The following EIF2AK3 variants were observed in gnomAD, a reference collection of about 807,000 sequenced individuals.
EIF2AK3 encodes eukaryotic translation initiation factor 2-alpha kinase 3.
Under a neutral mutation model 113.5 loss-of-function variants are expected in EIF2AK3, and 50 were observed. The ratio of observed to expected loss-of-function variants is 0.44; its 90% CI spans 0.35 to 0.56. The LOEUF (loss-of-function observed/expected upper bound fraction) is 0.56. Ranked by LOEUF, EIF2AK3 falls within the 20% of genes least tolerant of loss-of-function variation. The pLI is 0.00. For missense variants in EIF2AK3, 1,185 were observed against 1,378.0 expected (o/e 0.86, Z 2.22); for synonymous variants, 448 against 495.4 (o/e 0.90, Z 1.27).
chr2:88,603,862 G>T (rs1675208173), intron 2 of EIF2AK3, among the ~76,000 whole-genome samples: 1 of 152,112 alleles, frequency 6.6e-6, no homozygotes, highest in African/African-American at 2.4e-5. Flanking sequence ...TAGCATCTCT[G>T]CTTGGAGAGC....
chr2:88,588,633 T>C (rs570398480), intron 7 of EIF2AK3, 128 bp downstream of exon 7: 2 of 948,546 alleles, frequency 2.1e-6, no homozygotes, highest in East Asian at 2.6e-5. Flanking sequence ...AATACCATCA[T>C]GGTTTATCAA....
chr2:88,559,379 G>A (rs565503404), intron 15 of EIF2AK3, among the ~76,000 whole-genome samples: 1 of 152,042 alleles, frequency 6.6e-6, no homozygotes, highest in Non-Finnish European at 1.5e-5. Flanking sequence ...ATTTACAGAA[G>A]ATTTAAAATA....
chr2:88,593,447 A>G, intron 3 of EIF2AK3, 42 bp from the exon 4 acceptor site: 2 of 1,607,110 alleles, frequency 1.2e-6, no homozygotes, highest in Non-Finnish European at 1.7e-6. Context: ...AAAAGGAGAC[A>G]ACTCATAATA....
chr2:88,586,130 A>C, intron 8 of EIF2AK3, 69 bp from the exon 9 acceptor site: 1 of 1,250,966 alleles, frequency 8.0e-7, no homozygotes. Flanking sequence ...TAACTATTAA[A>C]ATTTATCCAT....
chr2:88,571,217 A>G (rs1373016681), intron 13 of EIF2AK3, among the ~76,000 whole-genome samples, 176 bp from the exon 14 acceptor site: 1 of 152,232 alleles, frequency 6.6e-6, no homozygotes, highest in Non-Finnish European at 1.5e-5. Context: ...CCAGACAAGT[A>G]CTGCTAGTAA....
intron 2 of EIF2AK3, among the ~76,000 whole-genome samples, chr2:88,603,775 A>C (rs1369529355): frequency 6.6e-6 from 1 of 152,172 alleles, no homozygotes; most frequent in Non-Finnish European, 1.5e-5. Context: ...TTCCCATGAC[A>C]CAAGCAATTC....
chr2:88,623,853 T>TAGG (rs1675793834), intron 1 of EIF2AK3, among the ~76,000 whole-genome samples: 1 of 152,170 alleles, frequency 6.6e-6, no homozygotes, highest in Non-Finnish European at 1.5e-5. Context: ...TCCTAGGCAA[T>TAGG]TCTGTTTGGT....
At chr2:88,626,829 C>T (rs1330613827) in intron 1 of EIF2AK3, 138 bp downstream of exon 1, 8 of 1,213,090 alleles carry the variant, frequency 6.6e-6, no homozygotes, top group African/African-American at 1.6e-5. Flanking sequence ...GCCCCGCGCT[C>T]GTCCCCAGGT....
rs1267474130 is a variant in EIF2AK3 at position 88,613,939 on chromosome 2, A to C, written c.309-86T>G. 5.6e-6 allele frequency: 7 copies of C among 1,248,848 alleles called. No homozygotes were observed. The East Asian group carries it at 1.8e-4, about 32-fold the overall frequency. The allele number at this position is 1,248,848 out of a possible 1,614,324, so 77.4% of individuals were successfully genotyped here. A position where few individuals can be genotyped will look rare whatever the true frequency, so the allele number is the denominator to read the frequency against. Reference sequence around the variant, plus strand: ...CACATGCTCAAAAGAAAACCAGCCCATGTCCAGGCCTCTATTCGTAGAAAG... The same window carrying C: ...CACATGCTCAAAAGAAAACCAGCCCCTGTCCAGGCCTCTATTCGTAGAAAG... On this transcript the variant is annotated intron_variant, in intron 1 of 16. Transcript: ENST00000303236.
intron 14 of EIF2AK3, among the ~76,000 whole-genome samples, chr2:88,566,007 T>C (rs1290695451): frequency 6.6e-6 from 1 of 152,224 alleles, no homozygotes; most frequent in Non-Finnish European, 1.5e-5. Flanking sequence ...TCTGTATCTC[T>C]TCTAATTTCT....
At chr2:88,625,926 A>C (rs1675846336) in intron 1 of EIF2AK3, among the ~76,000 whole-genome samples, 1 of 152,204 alleles carries the variant, frequency 6.6e-6, no homozygotes, top group Non-Finnish European at 1.5e-5. Flanking sequence ...CTCCAGATAT[A>C]TAGATCAAAG....
At chr2:88,558,100 C>T (rs1221655343) in intron 16 of EIF2AK3, among the ~76,000 whole-genome samples, 164 bp from the exon 17 acceptor site, 3 of 152,116 alleles carry the variant, frequency 2.0e-5, no homozygotes. Flanking sequence ...CGTCAATGCA[C>T]AAAAGCATCC....
intron 1 of EIF2AK3, among the ~76,000 whole-genome samples, chr2:88,624,399 G>A (rs1462275519): frequency 6.6e-6 from 1 of 152,166 alleles, no homozygotes; most frequent in African/African-American, 2.4e-5. Flanking sequence ...AGGAGGGATT[G>A]GGGCAGAAGG....
Position 88,627,185 on chromosome 2 carries a change from C to T in EIF2AK3, c.90G>A (p.Ala30=). 1 of 1,447,422 alleles carries T rather than the reference C, an allele frequency of 6.9e-7. No homozygotes were observed. The highest frequency in any genetic ancestry group is 9.0e-7 in the Non-Finnish European group (1 of 1,105,224). The allele number at this position is 1,447,422 out of a possible 1,614,324, so 89.7% of individuals were successfully genotyped here. The change falls in exon 1 of 17, where the codon GCG becomes GCA. Residue 30 remains alanine (A), a synonymous_variant. Transcript: ENST00000303236. ...GCGCTGGGAGGCCACGGGCGCGCCC[C>T]GCGGCCACCGTCCTTGCCGCGAGCC... ...LLGLAARTVA[A]GRARGLPAPT...
intron 13 of EIF2AK3, among the ~76,000 whole-genome samples, chr2:88,573,680 T>G (rs1674377197): frequency 6.6e-6 from 1 of 152,210 alleles, no homozygotes; most frequent in Admixed American, 6.5e-5. Flanking sequence ...TAAGAATTAT[T>G]TCTAATTCCT....
chr2:88,587,983 A>G lies in EIF2AK3; in HGVS notation c.1428T>C (p.Tyr476=), dbSNP rs778598419. The change falls in exon 8 of 17, where the codon TAT becomes TAC. Residue 476 remains tyrosine (Y), a splice_region_variant and synonymous_variant. Coordinates refer to ENST00000303236, the MANE Select transcript of EIF2AK3 (RefSeq NM_004836.7). ...NGALSILQYP[Y]DNGYYLPYYK... ...ATAAAACTCAGTATTTTCACTTACC[A>G]TATGGATACTGCAAGATTGAAAGTG... The G allele has an allele frequency of 6.4e-7, 1 of 1,567,408 alleles. No homozygotes were observed. Among genetic ancestry groups the G allele is most frequent in the Non-Finnish European group, 8.7e-7 (1 of 1,147,192 alleles).
intron 6 of EIF2AK3, 106 bp from the exon 7 acceptor site, chr2:88,589,007 AC>A: frequency 7.7e-7 from 1 of 1,307,108 alleles, no homozygotes; most frequent in East Asian, 2.5e-5. Flanking sequence ...ACACCACAAA[AC>A]TCTTGTCAAA....
chr2:88,560,208 C>CA (rs1352056527), intron 15 of EIF2AK3, among the ~76,000 whole-genome samples: 1 of 152,086 alleles, frequency 6.6e-6, no homozygotes, highest in Non-Finnish European at 1.5e-5. Flanking sequence ...CCCTAATGCC[C>CA]AACGATGTTG....
At position 88,590,903 on chromosome 2, in the gene EIF2AK3, A is replaced by C. The variant is rs749626188; in HGVS notation, c.917T>G (p.Met306Arg). 6.2e-7 allele frequency: 1 copy of C among 1,614,078 alleles called. No individual in the cohort carries two copies. The highest frequency in any genetic ancestry group is 1.7e-5 in the Admixed American group (1 of 60,030). ...AACCGAAACCTTTATCACTATGTCC[A>C]TTATGGCAGCTTCCTGTTCTTCCAC... is the stretch of plus-strand genomic sequence containing the variant. ...SDVEEQEAAIMDIVIKVSVAD... is the reference protein window; with the variant it reads ...SDVEEQEAAIRDIVIKVSVAD... The change falls in exon 5 of 17, where the codon ATG (methionine) becomes AGG (arginine). Residue 306 changes from methionine (M) to arginine (R), a missense_variant. Physicochemically the swap from Met to Arg is moderately conservative, Grantham distance 91. This residue lies in a region of EIF2AK3 where 877 missense variants were observed against 1,024.2 expected (regional missense o/e 0.86). Transcript: ENST00000303236.
Sources: gnomAD v4.1 joint callset for allele counts (sites outside exome capture counted in the v4.1 genomes callset) on GRCh38, gnomAD v4.1.1 for gene constraint, gnomAD v4.1.1 regional missense constraint, MANE v1.5 for transcripts, NCBI Gene and HGNC (gene_info 2026-07-23, HGNC 2026-07-21) for gene names.